Variants in SCAPER observed in about 807,000 individuals in gnomAD.
SCAPER encodes the protein S phase cyclin A-associated protein in the endoplasmic reticulum.
In SCAPER, 98 loss-of-function variants were observed where a neutral mutation model predicts 182.2. That is an observed-to-expected ratio of 0.54 (90% CI 0.46 to 0.64). The LOEUF (loss-of-function observed/expected upper bound fraction) is 0.64. SCAPER is among the 30% of genes least tolerant of loss of function. The probability of loss-of-function intolerance (pLI) is 0.00; values close to 1 mark genes in which losing one functional copy is unlikely to be tolerated. For missense variants in SCAPER, 1,432 were observed against 1,690.0 expected, an observed-to-expected ratio of 0.85 and a Z score of 2.68; for synonymous variants, 605 against 564.6, an observed-to-expected ratio of 1.07 and a Z score of -1.01.
intron 26 of SCAPER, among the ~76,000 whole-genome samples, chr15:76,420,583 TAAC>T (rs1467052596): frequency 6.6e-6 from 1 of 152,182 alleles, no homozygotes; most frequent in Non-Finnish European, 1.5e-5. Flanking sequence ...GGAATAAACT[TAAC>T]AAGATAAAAT....
Position 76,394,054 on chromosome 15 carries a change from C to T in SCAPER, c.3467+10470G>A, listed in dbSNP as rs57951279. On this transcript the variant is annotated intron_variant, in intron 27 of 31. Transcript: ENST00000563290. ...ATTAATAGATGGTTGTTTTATGCCACTAAATTTTAGGGTAATTTGTTGCAG... is the reference window on the plus strand; with the variant it reads ...ATTAATAGATGGTTGTTTTATGCCATTAAATTTTAGGGTAATTTGTTGCAG... Among the ~76,000 whole-genome samples the T allele has an allele frequency of 3.6e-3, 543 of 152,264 alleles. 2 individuals are homozygous for T. Among genetic ancestry groups the T allele is most frequent in the African/African-American group, 0.013 (521 of 41,542 alleles).
chr15:76,666,913 A>G (rs756473828), intron 20 of SCAPER, among the ~76,000 whole-genome samples: 11 of 152,136 alleles, frequency 7.2e-5, no homozygotes, highest in Non-Finnish European at 7.4e-5. Flanking sequence ...AAGTCCTCCA[A>G]ATATAAACTG....
Position 76,699,718 on chromosome 15 carries a change from G to C in SCAPER, c.2508+2040C>G, listed in dbSNP as rs77597147. On this transcript the variant is annotated intron_variant, in intron 20 of 31. Coordinates refer to ENST00000563290, the MANE Select transcript of SCAPER (RefSeq NM_020843.4). ...CGCTGGAGTGGCTAAGGTGTTCCTGGTCCGCTGGCAACAACACTTCAATGG... is the reference window on the plus strand; with the variant it reads ...CGCTGGAGTGGCTAAGGTGTTCCTGCTCCGCTGGCAACAACACTTCAATGG... 3.9e-4 allele frequency among the ~76,000 whole-genome samples: 60 copies of C among 152,280 alleles called. No homozygotes were observed. The East Asian group carries it at 9.1e-3, about 23-fold the overall frequency.
intron 21 of SCAPER, among the ~76,000 whole-genome samples, chr15:76,649,400 A>G (rs1597918554): frequency 6.6e-6 from 1 of 152,062 alleles, no homozygotes; most frequent in Non-Finnish European, 1.5e-5. Context: ...ACTGCATTCC[A>G]GCCTAGGCGA....
intron 26 of SCAPER, among the ~76,000 whole-genome samples, chr15:76,415,138 T>G (rs2045562988): frequency 6.6e-6 from 1 of 152,148 alleles, no homozygotes; most frequent in Non-Finnish European, 1.5e-5. Flanking sequence ...AGCAAGGATA[T>G]GGGGAAATGG....
At chr15:76,584,289 G>T (rs1449716595) in intron 22 of SCAPER, among the ~76,000 whole-genome samples, 1 of 152,198 alleles carries the variant, frequency 6.6e-6, no homozygotes, top group Non-Finnish European at 1.5e-5. Flanking sequence ...GTGGGGAAGT[G>T]TGTGTCATTA....
intron 20 of SCAPER, among the ~76,000 whole-genome samples, chr15:76,694,480 G>A (rs2058547797): frequency 6.6e-6 from 1 of 151,978 alleles, no homozygotes; most frequent in African/African-American, 2.4e-5. Flanking sequence ...TGTGTACATT[G>A]AATGTGTACA....
chr15:76,706,073 C>A, intron 17 of SCAPER, 89 bp from the exon 18 acceptor site: 1 of 984,198 alleles, frequency 1.0e-6, no homozygotes, highest in South Asian at 1.7e-5. Context: ...CACATAGGGT[C>A]ATATAGTCTA....
At chr15:76,746,990 C>T (rs1021978381) in intron 15 of SCAPER, among the ~76,000 whole-genome samples, 2 of 152,182 alleles carry the variant, frequency 1.3e-5, no homozygotes, top group African/African-American at 4.8e-5. Flanking sequence ...GGCTTTTTTG[C>T]AGATACGAAA....
At chr15:76,728,480 G>T in intron 17 of SCAPER, 115 bp downstream of exon 17, 1 of 1,363,112 alleles carries the variant, frequency 7.3e-7, no homozygotes, top group Non-Finnish European at 1.0e-6. Flanking sequence ...ATCAACCTGG[G>T]GAACATCGCA....
At chr15:76,718,449 G>T (rs1871443620) in intron 17 of SCAPER, among the ~76,000 whole-genome samples, 1 of 152,014 alleles carries the variant, frequency 6.6e-6, no homozygotes, top group South Asian at 2.1e-4. Context: ...AGCACTTTGG[G>T]AGGCAAAAGC....
At chr15:76,594,424 C>T (rs1215957684) in intron 22 of SCAPER, among the ~76,000 whole-genome samples, 3 of 121,150 alleles carry the variant, frequency 2.5e-5, no homozygotes, top group African/African-American at 5.0e-5. Flanking sequence ...TCCAGGAGAA[C>T]TTCCCCAACC....
chr15:76,902,008 C>T (rs940111955), intron 1 of SCAPER, among the ~76,000 whole-genome samples: 1 of 152,162 alleles, frequency 6.6e-6, no homozygotes, highest in Non-Finnish European at 1.5e-5. Flanking sequence ...CATGAGCCAC[C>T]GTACCCAGCC....
At chr15:76,799,118 G>GTAATAA (rs2065559707) in intron 7 of SCAPER, among the ~76,000 whole-genome samples, 2 of 152,046 alleles carry the variant, frequency 1.3e-5, no homozygotes, top group African/African-American at 4.8e-5. Context: ...TAATTTGTAT[G>GTAATAA]ACAATAACAC....
chr15:76,841,152 A>G (rs1242039644), intron 5 of SCAPER, among the ~76,000 whole-genome samples: 4 of 152,196 alleles, frequency 2.6e-5, no homozygotes, highest in African/African-American at 7.2e-5. Context: ...GCCCAGAACT[A>G]TGTGTCAAGA....
intron 22 of SCAPER, among the ~76,000 whole-genome samples, chr15:76,595,426 A>G (rs1466430805): frequency 8.2e-6 from 1 of 121,796 alleles, no homozygotes; most frequent in African/African-American, 2.5e-5. Flanking sequence ...ATTAACAAGG[A>G]TATTCAGGAC....
intron 8 of SCAPER, among the ~76,000 whole-genome samples, chr15:76,778,845 T>C (rs940731142): frequency 6.6e-6 from 1 of 152,044 alleles, no homozygotes; most frequent in African/African-American, 2.4e-5. Context: ...TTAAACTATA[T>C]GTTATCTAAA....
At chr15:76,869,695 A>C (rs1383009101) in intron 2 of SCAPER, among the ~76,000 whole-genome samples, 1 of 152,156 alleles carries the variant, frequency 6.6e-6, no homozygotes, top group Non-Finnish European at 1.5e-5. Flanking sequence ...GAACAGTATG[A>C]AAGTTCCCCA....
At chr15:76,509,261 C>G (rs1378558420) in intron 23 of SCAPER, among the ~76,000 whole-genome samples, 1 of 152,244 alleles carries the variant, frequency 6.6e-6, no homozygotes, top group East Asian at 1.9e-4. Context: ...AGATTATCCC[C>G]TCTTCTTCAG....
Sources: gnomAD v4.1 joint callset for allele counts (sites outside exome capture counted in the v4.1 genomes callset) on GRCh38, gnomAD v4.1.1 for gene constraint, MANE v1.5 for transcripts, NCBI Gene and HGNC (gene_info 2026-07-23, HGNC 2026-07-21) for gene names.